Variants in SUCO observed in about 807,000 individuals in gnomAD.
The protein encoded by SUCO is SUN domain-containing ossification factor.
A neutral mutation model predicts 148.1 loss-of-function variants in SUCO; 57 were observed. The observed-to-expected ratio is 0.38, with a 90% CI of 0.31 to 0.48. The LOEUF is 0.48. SUCO is among the 20% of genes least tolerant of loss of function. The pLI is 0.96. For missense variants in SUCO, 1,331 were observed against 1,468.2 expected (o/e 0.91, Z 1.53); for synonymous variants, 470 against 502.7 (o/e 0.93, Z 0.87).
chr1:172,579,673 A>C (rs74870390), intron 15 of SUCO, among the ~76,000 whole-genome samples: 1 of 152,016 alleles, frequency 6.6e-6, no homozygotes, highest in Non-Finnish European at 1.5e-5. Context: ...TACCAATAAG[A>C]ATACTAGTAA....
At chr1:172,591,656 C>T (rs1404134221) in intron 19 of SUCO, among the ~76,000 whole-genome samples, 1 of 152,028 alleles carries the variant, frequency 6.6e-6, no homozygotes, top group Non-Finnish European at 1.5e-5. Context: ...ATATGTGCCA[C>T]ATTTTCTTAA....
At chr1:172,535,109 T>C (rs900906053) in intron 1 of SUCO, among the ~76,000 whole-genome samples, 2 of 152,242 alleles carry the variant, frequency 1.3e-5, no homozygotes, top group African/African-American at 4.8e-5. Context: ...CAGTATGTTT[T>C]CTCACCTTCA....
At chr1:172,603,558 C>T (rs922763803) in intron 22 of SUCO, among the ~76,000 whole-genome samples, 1 of 151,982 alleles carries the variant, frequency 6.6e-6, no homozygotes, top group Non-Finnish European at 1.5e-5. Flanking sequence ...CATGTGTTTA[C>T]TTAAAGCTAG....
At chr1:172,594,548 A>C (rs1656936553) in intron 19 of SUCO, among the ~76,000 whole-genome samples, 1 of 152,202 alleles carries the variant, frequency 6.6e-6, no homozygotes, top group Non-Finnish European at 1.5e-5. Flanking sequence ...CCCAGTAGTC[A>C]TTCAGGAGCA....
At chr1:172,568,803 G>A (rs540649832) in intron 6 of SUCO, among the ~76,000 whole-genome samples, 3 of 152,086 alleles carry the variant, frequency 2.0e-5, no homozygotes, top group East Asian at 3.9e-4. Context: ...AACAAGTGAA[G>A]GAACACATCC....
rs762259512 is a variant in SUCO, at chr1:172,600,191, C to T, written c.3018+23C>T. On this transcript the variant is annotated intron_variant, in intron 20 of 23. Coordinates refer to ENST00000263688, the MANE Select transcript of SUCO (RefSeq NM_014283.5). Reference sequence around the variant, plus strand: ...GAGGTAATTGTTATTGCTGGTATTGCGAGACCCAATGCATGTATAGAGGTT... The same window carrying T: ...GAGGTAATTGTTATTGCTGGTATTGTGAGACCCAATGCATGTATAGAGGTT... 63 of 1,519,072 alleles carry T rather than the reference C, an allele frequency of 4.1e-5. 1 individual carries two copies. Among genetic ancestry groups the T allele is most frequent in the South Asian group, 3.9e-4 (34 of 86,820 alleles). The allele number at this position is 1,519,072 out of a possible 1,614,324, so 94.1% of individuals were successfully genotyped here.
chr1:172,556,348 C>G (rs1653758123), intron 4 of SUCO, among the ~76,000 whole-genome samples: 1 of 152,170 alleles, frequency 6.6e-6, no homozygotes, highest in Non-Finnish European at 1.5e-5. Context: ...TAATTATCAA[C>G]TCAAATGTCA....
chr1:172,567,461 T>C (rs145152859), intron 6 of SUCO, among the ~76,000 whole-genome samples: 69 of 152,326 alleles, frequency 4.5e-4, no homozygotes, highest in Non-Finnish European at 8.7e-4. Context: ...TTTTTTTGTT[T>C]AGTTTTAGAG....
intron 18 of SUCO, chr1:172,590,357 G>A (rs935252690): frequency 1.0e-6 from 1 of 985,100 alleles, no homozygotes; most frequent in Admixed American, 6.2e-5. Flanking sequence ...TGAACTGGAT[G>A]ATTGGGCACA....
chr1:172,606,471 A>G (rs1657875726), intron 22 of SUCO, among the ~76,000 whole-genome samples: 1 of 151,798 alleles, frequency 6.6e-6, no homozygotes, highest in African/African-American at 2.4e-5. Flanking sequence ...TCTCCTTAAC[A>G]ATACATAGAT....
chr1:172,602,588 C>T, intron 21 of SUCO, 108 bp from the exon 22 acceptor site: 2 of 1,494,636 alleles, frequency 1.3e-6, no homozygotes, highest in Non-Finnish European at 8.8e-7. Context: ...AGAGTTAGTC[C>T]CGTGTGGTAT....
rs1291538133 is a variant in SUCO, at chr1:172,609,692, G to A, written c.3322-124G>A. 2.7e-6 allele frequency: 4 copies of A among 1,466,502 alleles called. No homozygotes were observed. The East Asian group carries it at 9.8e-5, about 36-fold the overall frequency. The allele number at this position is 1,466,502 out of a possible 1,614,324, so 90.8% of individuals were successfully genotyped here. ...CATAACAATGTATGTGTTCTGTGCT[G>A]TTTATAATACTGTTTTACTTTTCAC... On this transcript the variant is annotated intron_variant, in intron 23 of 23. Transcript: ENST00000263688.
At chr1:172,568,652 T>C (rs1460431052) in intron 6 of SUCO, among the ~76,000 whole-genome samples, 2 of 152,182 alleles carry the variant, frequency 1.3e-5, no homozygotes, top group African/African-American at 2.4e-5. Flanking sequence ...TAGCTTCCTT[T>C]AATGGATGTA....
chr1:172,555,677 C>G (rs563957775), intron 3 of SUCO, 192 bp from the exon 4 acceptor site: 93 of 211,340 alleles, frequency 4.4e-4, no homozygotes, highest in African/African-American at 2.1e-3. Context: ...TGCTTAGGGC[C>G]TGTATTTTCA....
intron 6 of SUCO, among the ~76,000 whole-genome samples, chr1:172,561,244 T>C (rs1469947710): frequency 6.6e-6 from 1 of 152,178 alleles, no homozygotes; most frequent in Non-Finnish European, 1.5e-5. Flanking sequence ...CATACCCAAC[T>C]TCCCAGGTCC....
chr1:172,595,324 G>C (rs1657015351), intron 19 of SUCO, among the ~76,000 whole-genome samples: 1 of 152,166 alleles, frequency 6.6e-6, no homozygotes, highest in Admixed American at 6.5e-5. Context: ...CTGTCATTAT[G>C]ATGTTAGCTG....
Position 172,589,700 on chromosome 1 carries a change from G to A in SUCO, c.2599G>A (p.Glu867Lys). ...TTCTTCTTCATTACCTGAAGTAAAA[G>A]AAGAAGAACAGTCTCCAGAAGATGC... Reference protein sequence around the residue: ...VDSSSLPEVKEEEQSPEDALL... With the variant: ...VDSSSLPEVKKEEQSPEDALL... Residue 867 changes from glutamate (E) to lysine (K), a missense_variant, in exon 18 of 24, where the codon GAA (glutamate) becomes AAA (lysine). Physicochemically the swap from Glu to Lys is moderately conservative, Grantham distance 56 (BLOSUM62 1). Coordinates refer to ENST00000263688, the MANE Select transcript of SUCO (RefSeq NM_014283.5). 1 of 1,611,198 alleles carries A rather than the reference G, an allele frequency of 6.2e-7. No homozygotes were observed. Among genetic ancestry groups the A allele is most frequent in the South Asian group, 1.1e-5 (1 of 90,924 alleles).
At chr1:172,572,269 CG>C (rs1361548610) in intron 9 of SUCO, among the ~76,000 whole-genome samples, 1 of 151,190 alleles carries the variant, frequency 6.6e-6, no homozygotes, top group African/African-American at 2.4e-5. Flanking sequence ...GGGGGAAGGG[CG>C]GGGAAAGGAT....
intron 1 of SUCO, among the ~76,000 whole-genome samples, chr1:172,535,120 A>G (rs1028138036): frequency 2.6e-5 from 4 of 152,190 alleles, no homozygotes; most frequent in African/African-American, 4.8e-5. Flanking sequence ...CTCACCTTCA[A>G]TCATTAGCTC....
Sources: allele counts gnomAD v4.1 joint callset (sites outside exome capture counted in the v4.1 genomes callset), GRCh38; gene constraint gnomAD v4.1.1; transcripts MANE v1.5; gene names NCBI Gene and HGNC (gene_info 2026-07-23, HGNC 2026-07-21).